LINGO2: variants seen among roughly 807,000 people sequenced by gnomAD.
LINGO2 encodes the protein leucine rich repeat and Ig domain containing 2.
LINGO2 carries 14 observed loss-of-function variants against 30.6 expected under a neutral mutation model. That is an observed-to-expected ratio of 0.46 (90% CI 0.30 to 0.72). LINGO2 has a LOEUF of 0.72. Among genes scored for constraint, LINGO2 ranks in the 30% least tolerant of loss-of-function variants. The pLI is 0.07. For synonymous variants in LINGO2, 317 were observed against 288.5 expected, an observed-to-expected ratio of 1.10 and a Z score of -1.00; for missense variants, 729 against 751.7, an observed-to-expected ratio of 0.97 and a Z score of 0.35.
At chr9:28,310,513 A>G (rs1375042881) in intron 3 of LINGO2, among the ~76,000 whole-genome samples, 1 of 152,158 alleles carries the variant, frequency 6.6e-6, no homozygotes, top group African/African-American at 2.4e-5. Context: ...AATTCAAATT[A>G]ATTATGATTA....
chr9:28,306,065 T>G (rs563034418), intron 3 of LINGO2, among the ~76,000 whole-genome samples: 1 of 152,224 alleles, frequency 6.6e-6, no homozygotes, highest in East Asian at 1.9e-4. Flanking sequence ...AGGATCAATT[T>G]ATGAATTATT....
At chr9:27,950,228 C>T (rs1444191506) in exon 6 of LINGO2, 2 of 1,613,826 alleles carry the variant, frequency 1.2e-6, no homozygotes, top group Non-Finnish European at 1.7e-6. Context: ...GATCTTGGAA[C>T]ATGTAGTCTA....
chr9:28,672,633 C>T (rs1359293761), upstream of LINGO2, among the ~76,000 whole-genome samples: 7 of 152,104 alleles, frequency 4.6e-5, no homozygotes, highest in Non-Finnish European at 1.0e-4. Flanking sequence ...GATTAAAGTG[C>T]TTTCTGAATG....
At chr9:28,562,972 A>T (rs539630346) in intron 1 of LINGO2, among the ~76,000 whole-genome samples, 1 of 152,024 alleles carries the variant, frequency 6.6e-6, no homozygotes, top group East Asian at 1.9e-4. Context: ...TCAGCCTCCC[A>T]AGTAGTGGGG....
At chr9:28,532,249 T>C (rs1370399610) in intron 1 of LINGO2, among the ~76,000 whole-genome samples, 1 of 152,148 alleles carries the variant, frequency 6.6e-6, no homozygotes, top group Admixed American at 6.6e-5. Context: ...AATAGATTTC[T>C]CCTATAAATC....
the LINGO2 span, among the ~76,000 whole-genome samples, chr9:28,741,723 A>C: frequency 6.6e-6 from 1 of 151,720 alleles, no homozygotes; most frequent in African/African-American, 2.4e-5. Flanking sequence ...GTACTTGCTT[A>C]GTGCCTGGGG....
At chr9:28,264,872 G>C (rs1283912042) in intron 4 of LINGO2, among the ~76,000 whole-genome samples, 1 of 151,906 alleles carries the variant, frequency 6.6e-6, no homozygotes, top group African/African-American at 2.4e-5. Flanking sequence ...ACTTTAAGAA[G>C]AGTGCCCTCA....
chr9:28,819,871 G>A, the LINGO2 span, among the ~76,000 whole-genome samples: 1 of 152,006 alleles, frequency 6.6e-6, no homozygotes, highest in Non-Finnish European at 1.5e-5. Flanking sequence ...TCTACTCTTG[G>A]TAAACTCTCC....
intron 1 of LINGO2, among the ~76,000 whole-genome samples, chr9:28,554,801 C>G (rs28782226): frequency 0.57 from 77,771 of 136,968 alleles, 22,996 homozygotes; most frequent in East Asian, 0.73. Context: ...CAAACAATCT[C>G]TCAGACCACA....
chr9:28,644,098 G>C (rs998952146), intron 1 of LINGO2, among the ~76,000 whole-genome samples: 1 of 151,938 alleles, frequency 6.6e-6, no homozygotes, highest in Admixed American at 6.6e-5. Context: ...GTGTAAATTA[G>C]CACAATCACT....
chr9:28,090,224 T>G (rs138794775), intron 4 of LINGO2, among the ~76,000 whole-genome samples: 1 of 152,138 alleles, frequency 6.6e-6, no homozygotes, highest in African/African-American at 2.4e-5. Context: ...GAGGCCAGCA[T>G]CATCCTAATA....
intron 3 of LINGO2, among the ~76,000 whole-genome samples, chr9:28,326,141 G>T (rs1425459703): frequency 6.6e-6 from 1 of 152,112 alleles, no homozygotes; most frequent in East Asian, 1.9e-4. Context: ...CGAGTAGCTG[G>T]AATCACAGTC....
At chr9:28,172,004 A>C (rs1209277866) in intron 4 of LINGO2, among the ~76,000 whole-genome samples, 14 of 107,548 alleles carry the variant, frequency 1.3e-4, no homozygotes, top group Non-Finnish European at 1.8e-5. Flanking sequence ...GTGACAGAGC[A>C]AGACTCCGTC....
intron 5 of LINGO2, among the ~76,000 whole-genome samples, chr9:27,970,503 TG>T (rs11355778): frequency 0.18 from 27,965 of 152,148 alleles, 6,378 homozygotes; most frequent in African/African-American, 0.53. Flanking sequence ...TCCTGCCTTT[TG>T]GGGGGCATTG....
intron 4 of LINGO2, among the ~76,000 whole-genome samples, chr9:28,047,236 C>T (rs1824464699): frequency 1.3e-5 from 2 of 152,074 alleles, no homozygotes; most frequent in Non-Finnish European, 2.9e-5. Context: ...TCTTTGGCTA[C>T]CCACCAACCT....
At chr9:27,940,843 G>A in the LINGO2 span, 1 of 152,174 alleles carries the variant, frequency 6.6e-6, no homozygotes, top group Admixed American at 6.5e-5. Flanking sequence ...TTAGCTTCGA[G>A]TTCATTATAT....
At chr9:29,155,906 CA>C in the LINGO2 span, among the ~76,000 whole-genome samples, 1 of 151,526 alleles carries the variant, frequency 6.6e-6, no homozygotes, top group Non-Finnish European at 1.5e-5. Flanking sequence ...TGAAAACAAA[CA>C]AAAAAACACC....
chr9:28,067,677 G>T (rs1038965921), intron 4 of LINGO2, among the ~76,000 whole-genome samples: 1 of 152,092 alleles, frequency 6.6e-6, no homozygotes, highest in Non-Finnish European at 1.5e-5. Flanking sequence ...GAAATCTTGG[G>T]TAAGGAAGTT....
intron 1 of LINGO2, among the ~76,000 whole-genome samples, chr9:28,659,387 G>C (rs990098624): frequency 1.3e-5 from 2 of 151,762 alleles, no homozygotes; most frequent in Admixed American, 6.6e-5. Flanking sequence ...TATTGCAGGA[G>C]GAAAGATTAC....
Sources: allele counts gnomAD v4.1 joint callset (sites outside exome capture counted in the v4.1 genomes callset), GRCh38; gene constraint gnomAD v4.1.1; transcripts MANE v1.5; gene names NCBI Gene and HGNC (gene_info 2026-07-23, HGNC 2026-07-21).